The following TCF20 variants were observed in gnomAD, a reference collection of about 807,000 sequenced individuals.
The protein encoded by TCF20 is transcription factor 20, also known as SPRE-binding protein.
A neutral mutation model predicts 148.6 loss-of-function variants in TCF20; 3 were observed. The ratio of observed to expected loss-of-function variants is 0.02; its 90% confidence interval spans 0.01 to 0.05. The LOEUF (loss-of-function observed/expected upper bound fraction) is 0.05. TCF20 is among the 10% of genes least tolerant of loss of function. TCF20 has a pLI of 1.00. For missense variants in TCF20, 2,350 were observed against 2,429.3 expected, an observed-to-expected ratio of 0.97 and a Z score of 0.69; for synonymous variants, 1,049 against 909.5, an observed-to-expected ratio of 1.15 and a Z score of -2.76.
At chr22:42,176,379 G>C (rs201479187) in intron 3 of TCF20, among the ~76,000 whole-genome samples, 4 of 16,444 alleles carry the variant, frequency 2.4e-4, no homozygotes, top group African/African-American at 7.6e-4. Context: ...CTGGAAGGAA[G>C]GGGGGGGCAG....
In TCF20 at chr22:42,304,656, G is replaced by A. The variant is rs556428756; in HGVS notation, c.-37+38823C>T. Among the ~76,000 whole-genome samples the A allele has an allele frequency of 1.1e-3, 167 of 152,260 alleles. 3 individuals are homozygous for A. In the South Asian group the frequency reaches 0.034, roughly 31 times the overall value. ...AACTCTCACAGCAACCCTATGAGGTGGGCAGAATCATGTAATTCCATAGCT... is the reference window on the plus strand; with the variant it reads ...AACTCTCACAGCAACCCTATGAGGTAGGCAGAATCATGTAATTCCATAGCT... On this transcript the variant is annotated intron_variant, in intron 1 of 1. Transcript: ENST00000515426.
At chr22:42,170,994 G>A (rs1936100487) in intron 3 of TCF20, among the ~76,000 whole-genome samples, 1 of 152,136 alleles carries the variant, frequency 6.6e-6, no homozygotes, top group African/African-American at 2.4e-5. Flanking sequence ...CACACTAAAT[G>A]CTTCAGAGGA....
chr22:42,280,514 T>C (rs1041119446), intron 1 of TCF20, among the ~76,000 whole-genome samples: 6 of 152,228 alleles, frequency 3.9e-5, no homozygotes, highest in African/African-American at 2.4e-5. Context: ...ACACTTTTAG[T>C]TTCTAGGCTG....
intron 1 of TCF20, among the ~76,000 whole-genome samples, chr22:42,226,112 T>C (rs1375453171): frequency 6.6e-6 from 1 of 152,158 alleles, no homozygotes; most frequent in East Asian, 1.9e-4. Context: ...CTGTCTTATT[T>C]TCACAGGGGC....
chr22:42,311,089 G>A (rs73886036), intron 1 of TCF20, among the ~76,000 whole-genome samples: 3,778 of 152,318 alleles, frequency 0.025, 168 homozygotes, highest in African/African-American at 0.088. Context: ...AGGTGCACAC[G>A]AGTGCAGGAA....
rs541959026 is a variant in TCF20 at position 42,294,292 on chromosome 22, G to A, written c.-37+49187C>T. On this transcript the variant is annotated intron_variant, in intron 1 of 1. Transcript: ENST00000515426. ...CCTGCCAATCTCAGCCCGCGACCCC[G>A]CCCTAGCCCCCTCTCCCGGAGGACA... Among the ~76,000 whole-genome samples the A allele has an allele frequency of 7.9e-5, 12 of 152,288 alleles. No individual in the cohort carries two copies. In the East Asian group the frequency reaches 1.3e-3, roughly 17 times the overall value.
chr22:42,169,782 G>C (rs1357023916), intron 4 of TCF20, 65 bp downstream of exon 4: 5 of 1,568,294 alleles, frequency 3.2e-6, no homozygotes, highest in Non-Finnish European at 4.4e-6. Context: ...CTGGTCTTCA[G>C]GTCTTTCAGG....
At chr22:42,183,829 C>A (rs891954886) in intron 2 of TCF20, among the ~76,000 whole-genome samples, 13 of 150,860 alleles carry the variant, frequency 8.6e-5, no homozygotes, top group Non-Finnish European at 1.6e-4. Context: ...AGTGCAATGG[C>A]ATGATCTCGG....
intron 1 of TCF20, among the ~76,000 whole-genome samples, chr22:42,304,892 T>C (rs1927405740): frequency 6.6e-6 from 1 of 152,036 alleles, no homozygotes; most frequent in Non-Finnish European, 1.5e-5. Flanking sequence ...GGCTGAAGAC[T>C]GGAGTCCCGT....
chr22:42,292,471 G>T lies in TCF20; in HGVS notation c.-37+51008C>A, dbSNP rs1353043642. ...CGAGGCAGAGCTGGGACTCAGCTAG[G>T]ACCCAGCACATACGCTGAGGATAGG... On this transcript the variant is annotated intron_variant, in intron 1 of 1. Transcript: ENST00000515426. This position sits in a 1 kb window ranked among gnomAD's most constrained non-coding sequence, Gnocchi z 4.9. Among the ~76,000 whole-genome samples the T allele has an allele frequency of 6.6e-6, 1 of 152,158 alleles. No individual in the cohort carries two copies. The highest frequency in any genetic ancestry group is 1.5e-5 in the Non-Finnish European group (1 of 68,024).
chr22:42,260,581 C>T (rs1178830109), intron 1 of TCF20, among the ~76,000 whole-genome samples: 1 of 152,154 alleles, frequency 6.6e-6, no homozygotes, highest in African/African-American at 2.4e-5. Context: ...TCACAGCTCG[C>T]AGATGCAATA....
chr22:42,327,903 G>T (rs1022866006), intron 1 of TCF20, among the ~76,000 whole-genome samples: 5 of 151,338 alleles, frequency 3.3e-5, no homozygotes, highest in Non-Finnish European at 7.4e-5. Flanking sequence ...CTACCGCAGG[G>T]GCTTTGCACA....
intron 1 of TCF20, among the ~76,000 whole-genome samples, chr22:42,280,938 A>G (rs1926888536): frequency 6.6e-6 from 1 of 152,184 alleles, no homozygotes; most frequent in Non-Finnish European, 1.5e-5. Flanking sequence ...CCACACAGCT[A>G]GGAAATGGGA....
At chr22:42,219,338 T>G (rs1922115659) in intron 1 of TCF20, among the ~76,000 whole-genome samples, 1 of 62,860 alleles carries the variant, frequency 1.6e-5, no homozygotes. Context: ...CCACCCTGGG[T>G]GACAGTAACC....
intron 4 of TCF20, 27 bp from the exon 5 acceptor site, chr22:42,168,763 C>G: frequency 1.3e-6 from 2 of 1,595,064 alleles, no homozygotes; most frequent in African/African-American, 1.3e-5. Context: ...CAAGAGGAGA[C>G]AGACAGGTGG....
intron 2 of TCF20, among the ~76,000 whole-genome samples, chr22:42,198,291 C>G (rs980815282): frequency 2.6e-5 from 4 of 152,180 alleles, no homozygotes; most frequent in African/African-American, 9.7e-5. Context: ...TCAAATCTCA[C>G]CTGGAGTGTG....
At chr22:42,235,981 G>C in intron 1 of TCF20, among the ~76,000 whole-genome samples, 1 of 152,116 alleles carries the variant, frequency 6.6e-6, no homozygotes, top group Non-Finnish European at 1.5e-5. Context: ...ATCACTTGAG[G>C]TCAGGAGTTC....
intron 1 of TCF20, among the ~76,000 whole-genome samples, chr22:42,234,962 A>C (rs1923746844): frequency 6.6e-6 from 1 of 152,090 alleles, no homozygotes; most frequent in Non-Finnish European, 1.5e-5. Context: ...AACATGGTGA[A>C]ACCCCACCTC....
chr22:42,181,660 T>G (rs1936781725), intron 2 of TCF20, among the ~76,000 whole-genome samples: 1 of 150,310 alleles, frequency 6.7e-6, no homozygotes, highest in South Asian at 2.1e-4. Flanking sequence ...CAGGATGGAG[T>G]GCAGTGGCAC....
Sources: allele counts gnomAD v4.1 joint callset (sites outside exome capture counted in the v4.1 genomes callset), GRCh38; gene constraint gnomAD v4.1.1; non-coding constraint Gnocchi (gnomAD v3.1); transcripts MANE v1.5; gene names NCBI Gene and HGNC (gene_info 2026-07-23, HGNC 2026-07-21).